Variants in MEAK7 observed in about 807,000 individuals in gnomAD.
MEAK7 encodes the protein MTOR-associated protein MEAK7.
Under a neutral mutation model 40.5 loss-of-function variants are expected in MEAK7, and 68 were observed. The observed-to-expected ratio is 1.68, with a 90% CI of 1.38 to 2.06. The LOEUF is 2.06. Ranked by LOEUF, MEAK7 falls within the 30% of genes most tolerant of loss-of-function variation. MEAK7 has a pLI of 0.00. For missense variants in MEAK7, 918 were observed against 580.5 expected (o/e 1.58, Z -5.98); for synonymous variants, 338 against 231.9 (o/e 1.46, Z -4.16).
At position 84,477,736 on chromosome 16, in the gene MEAK7, A is replaced by T. The variant is rs1334407886; in HGVS notation, c.*2177T>A. 1 of 152,138 alleles carries T rather than the reference A, an allele frequency of 6.6e-6. No individual in the cohort carries two copies. Among genetic ancestry groups the T allele is most frequent in the Non-Finnish European group, 1.5e-5 (1 of 68,030 alleles). The allele number at this position is 152,138 out of a possible 1,614,324, so 9.4% of individuals were successfully genotyped here. ...CAAACTAGGATTGCGAGTTTCTCAG[A>T]GCCAGGTAAGGTACTGTCAGGTCCA... On this transcript the variant is annotated 3_prime_UTR_variant, in exon 8 of 8. Coordinates refer to ENST00000343629, the MANE Select transcript of MEAK7 (RefSeq NM_020947.4).
Position 84,480,653 on chromosome 16 carries a change from T to C in MEAK7, c.1133A>G (p.Lys378Arg). 1 of 1,613,934 alleles carries C rather than the reference T, an allele frequency of 6.2e-7. No individual in the cohort carries two copies. The highest frequency in any genetic ancestry group is 1.1e-5 in the South Asian group (1 of 91,066). ...CGTGGGCTTGGCTCTGCTGTGTCCT[T>C]TCCCAAAATCAACATCCACCCAAAG... ...FGLWVDVDFGKGHSRAKPTCT... is the reference protein window; with the variant it reads ...FGLWVDVDFGRGHSRAKPTCT... The change falls in exon 7 of 8, where the codon AAA becomes AGA. Residue 378 changes from lysine (K) to arginine (R), a missense_variant. Transcript: ENST00000343629.
At chr16:84,497,612 C>T (rs1463445923) in intron 2 of MEAK7, 7 of 1,339,358 alleles carry the variant, frequency 5.2e-6, no homozygotes, top group Admixed American at 2.2e-5. Context: ...CCCCAAATGT[C>T]GTGTGAATCA....
chr16:84,495,433 T>TC (rs1422620496), intron 3 of MEAK7, among the ~76,000 whole-genome samples: 1 of 152,116 alleles, frequency 6.6e-6, no homozygotes, highest in East Asian at 1.9e-4. Flanking sequence ...GACCAGACCC[T>TC]CCCTCCTTCC....
intron 4 of MEAK7, 177 bp from the exon 5 acceptor site, chr16:84,487,236 G>A: frequency 1.9e-6 from 1 of 529,200 alleles, no homozygotes; most frequent in Non-Finnish European, 3.2e-6. Flanking sequence ...TGATTTCAAA[G>A]ATTTGGTATG....
At chr16:84,492,698 TG>T (rs1248899559) in intron 3 of MEAK7, among the ~76,000 whole-genome samples, 1 of 152,044 alleles carries the variant, frequency 6.6e-6, no homozygotes, top group Non-Finnish European at 1.5e-5. Flanking sequence ...TCTCCTGCCT[TG>T]GCCTCCCGAG....
At chr16:84,482,469 T>A (rs543319850) in intron 6 of MEAK7, 123 bp downstream of exon 6, 1 of 1,489,064 alleles carries the variant, frequency 6.7e-7, no homozygotes, top group African/African-American at 1.4e-5. Context: ...GAACTGGACA[T>A]GGCGTGCGTG....
chr16:84,481,101 T>A (rs1159397604), intron 6 of MEAK7, among the ~76,000 whole-genome samples: 2 of 152,134 alleles, frequency 1.3e-5, no homozygotes, highest in Non-Finnish European at 2.9e-5. Context: ...AAACCCCCTG[T>A]GTTGGGGCCC....
Position 84,479,874 on chromosome 16 carries a change from G to A in MEAK7, c.*39C>T, listed in dbSNP as rs367677492. On this transcript the variant is annotated 3_prime_UTR_variant, in exon 8 of 8. Transcript: ENST00000343629. The stretch of plus-strand genomic sequence containing the variant: ...TGCAGGCGTTGCCCTCTACCCAGAG[G>A]AATCCAGGTCCTGGCTCCAGGAAGG... The A allele has an allele frequency of 4.6e-6, 7 of 1,526,200 alleles. No individual in the cohort carries two copies. The highest frequency in any genetic ancestry group is 6.3e-6 in the Non-Finnish European group (7 of 1,116,716). The allele number at this position is 1,526,200 out of a possible 1,614,324, so 94.5% of individuals were successfully genotyped here. A position where few individuals can be genotyped will look rare whatever the true frequency, so the allele number is the denominator to read the frequency against.
At position 84,495,811 on chromosome 16, in the gene MEAK7, C is replaced by T. The variant is rs367837096; in HGVS notation, c.256G>A (p.Val86Met). 9.9e-6 allele frequency: 16 copies of T among 1,613,936 alleles called. No homozygotes were observed. Among genetic ancestry groups the T allele is most frequent in the East Asian group, 4.5e-5 (2 of 44,880 alleles). ...TGKAKGPSEN[V>M]SQEQFTASMS... ...GATGCTGTGAACTGCTCCTGGGACA[C>T]GTTCTCACTGGGTCCCTTCGCCTTC... Residue 86 changes from valine (V) to methionine (M), a missense_variant, in exon 3 of 8, where the codon GTG becomes ATG. Val to Met is a conservative substitution (Grantham distance 21). Coordinates refer to ENST00000343629, the MANE Select transcript of MEAK7 (RefSeq NM_020947.4).
intron 1 of MEAK7, among the ~76,000 whole-genome samples, chr16:84,500,285 T>C (rs567240544): frequency 6.6e-6 from 1 of 152,198 alleles, no homozygotes; most frequent in Admixed American, 6.5e-5. Flanking sequence ...TCTGAGTACC[T>C]GAGTCCCCCT....
chr16:84,497,390 C>G (rs1416077236), intron 2 of MEAK7: 1 of 1,263,046 alleles, frequency 7.9e-7, no homozygotes. Context: ...TTAGGAATAT[C>G]ATGAAATTCC....
intron 6 of MEAK7, among the ~76,000 whole-genome samples, chr16:84,481,940 A>AG (rs1479364070): frequency 6.6e-6 from 1 of 152,118 alleles, no homozygotes; most frequent in Non-Finnish European, 1.5e-5. Flanking sequence ...CAAAAAGAAA[A>AG]AAAAGAAAAG....
chr16:84,481,075 C>T (rs938124130), intron 6 of MEAK7, among the ~76,000 whole-genome samples: 1 of 152,148 alleles, frequency 6.6e-6, no homozygotes. Flanking sequence ...GAGGTGAACA[C>T]AGAAGCTGAC....
In MEAK7 at chr16:84,487,039, G is replaced by A. The variant is rs1403259964; in HGVS notation, c.550C>T (p.Pro184Ser). The change falls in exon 5 of 8, where the codon CCC becomes TCC. Residue 184 changes from proline (P) to serine (S), a missense_variant. By Grantham distance (74) the Pro-to-Ser change is moderately conservative. Coordinates refer to ENST00000343629, the MANE Select transcript of MEAK7 (RefSeq NM_020947.4). ...TCACAGTCATAGTCCAGCCACTGGG[G>A]CCCCAGAAGTCTCTTGCCATCTAGG... ...KLQDGKRLLG[P>S]QWLDYDCDRA... 6.2e-7 allele frequency: 1 copy of A among 1,612,446 alleles called. No homozygotes were observed. Among genetic ancestry groups the A allele is most frequent in the Admixed American group, 1.7e-5 (1 of 59,818 alleles).
intron 6 of MEAK7, 99 bp downstream of exon 6, chr16:84,482,493 C>T (rs1374835399): frequency 5.7e-6 from 9 of 1,581,578 alleles, no homozygotes; most frequent in Admixed American, 5.1e-5. Flanking sequence ...AACTGAATGC[C>T]ACGCGCCCTG....
Position 84,495,724 on chromosome 16 carries a change from A to T in MEAK7, c.343T>A (p.Ser115Thr), listed in dbSNP as rs750699263. Reference protein sequence around the residue: ...EKSLMIMKMISATEGPVKARE... With the variant: ...EKSLMIMKMITATEGPVKARE... ...GCCTTCACGGGACCTTCTGTGGCAG[A>T]AATCATTTTCATAATCATGAGACTC... Residue 115 changes from serine to threonine, a missense_variant, in exon 3 of 8, where the codon TCT (serine) becomes ACT (threonine). By Grantham distance (58) the Ser-to-Thr change is moderately conservative. Transcript: ENST00000343629. The T allele has an allele frequency of 1.2e-6, 2 of 1,613,938 alleles. No individual in the cohort carries two copies.
rs573097127 is a variant in MEAK7, at chr16:84,504,457, C to G, written c.-26+144G>C. 4.2e-5 allele frequency: 17 copies of G among 407,108 alleles called. No homozygotes were observed. The East Asian group carries it at 2.4e-3, about 58-fold the overall frequency. 25.2% of individuals were successfully genotyped at this position (407,108 alleles called of 1,614,324 possible). A position where few individuals can be genotyped will look rare whatever the true frequency, so the allele number is the denominator to read the frequency against. The stretch of plus-strand genomic sequence containing the variant: ...CCCGCAGCCTTCACCTCTCCCTCCC[C>G]CGACCCGAGGGCCTGAAGAGGCGTG... On this transcript the variant is annotated intron_variant, in intron 1 of 7. Coordinates refer to ENST00000343629, the MANE Select transcript of MEAK7 (RefSeq NM_020947.4).
chr16:84,488,464 C>G (rs1451182997), intron 4 of MEAK7: 1 of 151,960 alleles, frequency 6.6e-6, no homozygotes, highest in Non-Finnish European at 1.5e-5. Flanking sequence ...ATATATACTG[C>G]TTCTCACCCA....
At position 84,495,859 on chromosome 16, in the gene MEAK7, T is replaced by G; in HGVS notation, c.208A>C (p.Met70Leu). The G allele has an allele frequency of 6.2e-7, 1 of 1,614,098 alleles. No individual in the cohort carries two copies. The highest frequency in any genetic ancestry group is 8.5e-7 in the Non-Finnish European group (1 of 1,180,020). ...PEMVTRLYDG[M>L]RRVDLTGKAK... is the part of the protein sequence containing the mutation. Reference sequence around the variant, plus strand: ...TTCCCTGTCAGGTCGACCCTCCGCATGCCATCATACAGCCTGGTGACCATC... The same window carrying G: ...TTCCCTGTCAGGTCGACCCTCCGCAGGCCATCATACAGCCTGGTGACCATC... The change falls in exon 3 of 8, where the codon ATG becomes CTG. Residue 70 changes from methionine (M) to leucine (L), a missense_variant. Coordinates refer to ENST00000343629, the MANE Select transcript of MEAK7 (RefSeq NM_020947.4).
Sources: gnomAD v4.1 joint callset for allele counts (sites outside exome capture counted in the v4.1 genomes callset) on GRCh38, gnomAD v4.1.1 for gene constraint, MANE v1.5 for transcripts, NCBI Gene and HGNC (gene_info 2026-07-23, HGNC 2026-07-21) for gene names.